Variants in SIK3 observed in about 807,000 individuals in gnomAD.
SIK3 encodes the protein SIK family kinase 3, also known as serine/threonine-protein kinase SIK3.
A neutral mutation model predicts 144.2 loss-of-function variants in SIK3; 28 were observed. The ratio of observed to expected loss-of-function variants is 0.19; its 90% CI spans 0.14 to 0.27. SIK3 has a LOEUF of 0.27. SIK3 is among the 10% of genes least tolerant of loss of function. The pLI is 1.00. For synonymous variants in SIK3, 686 were observed against 676.3 expected (o/e 1.01, Z -0.22); for missense variants, 1,319 against 1,776.0 (o/e 0.74, Z 4.62).
chr11:117,061,437 T>A (rs1395702619), intron 1 of SIK3, among the ~76,000 whole-genome samples: 1 of 152,168 alleles, frequency 6.6e-6, no homozygotes, highest in African/African-American at 2.4e-5. Context: ...AATGGTTGCG[T>A]CACTTTGGGT....
chr11:116,963,643 T>C (rs1305267110), intron 1 of SIK3, among the ~76,000 whole-genome samples: 9 of 152,172 alleles, frequency 5.9e-5, no homozygotes, highest in Non-Finnish European at 1.2e-4. Context: ...TGAATCAAAC[T>C]CTGAGAACAA....
In SIK3 at chr11:116,858,732, T is replaced by C. The variant is rs1190490325; in HGVS notation, c.2766-33A>G. ...CACAAAAGGGAGTACCAGACATCCA[T>C]GTAACAAGTACTAGACTTCCTGGGA... On this transcript the variant is annotated intron_variant, in intron 20 of 24. Transcript: ENST00000445177. The surrounding 1 kb of genome is among the most constrained non-coding windows in gnomAD (Gnocchi z 5.4). 3 of 1,519,692 alleles carry C rather than the reference T, an allele frequency of 2.0e-6. No homozygotes were observed. 94.1% of individuals were successfully genotyped at this position (1,519,692 alleles called of 1,614,324 possible). A position where few individuals can be genotyped will look rare whatever the true frequency, so the allele number is the denominator to read the frequency against.
intron 1 of SIK3, among the ~76,000 whole-genome samples, chr11:116,996,095 G>C (rs1354664951): frequency 6.6e-6 from 1 of 152,050 alleles, no homozygotes; most frequent in African/African-American, 2.4e-5. Flanking sequence ...ATCATTTTAG[G>C]CCAGGAGTTC....
rs1943739007 is a variant in SIK3 at position 116,867,946 on chromosome 11, C to T, written c.1952G>A (p.Arg651His). Residue 651 changes from arginine to histidine, a missense_variant and splice_region_variant, in exon 15 of 25, where the codon CGC becomes CAC. Physicochemically the swap from Arg to His is conservative, Grantham distance 29. This residue lies in a region of SIK3 where 47 missense variants were observed against 40.2 expected (regional missense o/e 1.17). Coordinates refer to ENST00000445177, the MANE Select transcript of SIK3 (RefSeq NM_001366686.3). The surrounding 1 kb of genome is among the most constrained non-coding windows in gnomAD (Gnocchi z 4.1). ...WPPHLVPDQH[R>H]STYKDSNTLH... is the part of the protein sequence containing the mutation. Reference sequence around the variant, plus strand: ...TCGCACAGCTCATGTGGCTACTCACCGATGCTGATCAGGTACCAGGTGAGG... The same window carrying T: ...TCGCACAGCTCATGTGGCTACTCACTGATGCTGATCAGGTACCAGGTGAGG... 7.2e-6 allele frequency: 11 copies of T among 1,537,272 alleles called. No homozygotes were observed. Among genetic ancestry groups the T allele is most frequent in the Non-Finnish European group, 9.7e-6 (11 of 1,139,618 alleles).
chr11:117,091,200 C>CTTTTTT (rs386375011), intron 1 of SIK3, among the ~76,000 whole-genome samples: 40 of 93,012 alleles, frequency 4.3e-4, no homozygotes, highest in East Asian at 9.4e-4. Flanking sequence ...TTTTTTTTTT[C>CTTTTTT]TTTTTTTTTT....
At chr11:117,042,954 CAAT>C (rs1175111916) in intron 1 of SIK3, among the ~76,000 whole-genome samples, 1 of 152,162 alleles carries the variant, frequency 6.6e-6, no homozygotes, top group Admixed American at 6.6e-5. Flanking sequence ...TATTGTGCAA[CAAT>C]GATATCTGTT....
At chr11:116,872,663 G>T (rs1240891849) in intron 13 of SIK3, among the ~76,000 whole-genome samples, 1 of 152,114 alleles carries the variant, frequency 6.6e-6, no homozygotes, top group Non-Finnish European at 1.5e-5. Flanking sequence ...GAGTAATTTT[G>T]TCTGTTGAAC....
chr11:116,993,219 T>TC (rs1029782386), intron 1 of SIK3, among the ~76,000 whole-genome samples: 1 of 152,006 alleles, frequency 6.6e-6, no homozygotes, highest in Non-Finnish European at 1.5e-5. Flanking sequence ...TAAAAACCCC[T>TC]CCCCACAGTA....
At chr11:117,064,581 T>A (rs1953928278) in intron 1 of SIK3, among the ~76,000 whole-genome samples, 1 of 152,218 alleles carries the variant, frequency 6.6e-6, no homozygotes, top group South Asian at 2.1e-4. Context: ...TAGCATATTA[T>A]CTTATCAGAC....
intron 3 of SIK3, among the ~76,000 whole-genome samples, chr11:116,944,351 T>C (rs1323900911): frequency 2.0e-5 from 3 of 152,132 alleles, no homozygotes; most frequent in Non-Finnish European, 4.4e-5. Context: ...CACACCCATA[T>C]AGTCTCAGGG....
chr11:116,967,300 G>A (rs1017816222), intron 1 of SIK3, among the ~76,000 whole-genome samples: 6 of 152,132 alleles, frequency 3.9e-5, no homozygotes, highest in Non-Finnish European at 7.3e-5. Flanking sequence ...AACCTAGAAC[G>A]CTCCAAGACT....
intron 1 of SIK3, among the ~76,000 whole-genome samples, chr11:117,051,313 C>A (rs1383705371): frequency 1.3e-5 from 2 of 152,108 alleles, no homozygotes; most frequent in Non-Finnish European, 2.9e-5. Flanking sequence ...CAGACTCCAA[C>A]TTAATTACAC....
chr11:117,070,375 CAGT>C (rs1396906875), intron 1 of SIK3, among the ~76,000 whole-genome samples: 3 of 152,094 alleles, frequency 2.0e-5, no homozygotes, highest in African/African-American at 7.2e-5. Context: ...CACTTGAGCC[CAGT>C]AATTCAAGGC....
intron 1 of SIK3, among the ~76,000 whole-genome samples, chr11:117,034,373 C>T (rs1162897418): frequency 6.6e-6 from 1 of 152,088 alleles, no homozygotes; most frequent in African/African-American, 2.4e-5. Flanking sequence ...ATACTTCAGG[C>T]AAGGACATGA....
chr11:117,016,451 A>G (rs567180879), intron 1 of SIK3, among the ~76,000 whole-genome samples: 210 of 90,836 alleles, frequency 2.3e-3, no homozygotes, highest in African/African-American at 7.4e-3. Flanking sequence ...AAGGAATCCC[A>G]TGACCTATCT....
intron 1 of SIK3, among the ~76,000 whole-genome samples, chr11:117,078,262 A>G (rs1954637106): frequency 6.6e-6 from 1 of 152,188 alleles, no homozygotes; most frequent in South Asian, 2.1e-4. Context: ...AGGCTACACT[A>G]AAGAATAAGA....
chr11:116,936,200 G>C (rs188056186), intron 3 of SIK3, among the ~76,000 whole-genome samples: 2 of 152,184 alleles, frequency 1.3e-5, no homozygotes, highest in African/African-American at 4.8e-5. Flanking sequence ...GCATTTTTGA[G>C]ACAGAGACTC....
intron 4 of SIK3, among the ~76,000 whole-genome samples, chr11:116,922,290 G>A (rs1022131124): frequency 2.6e-5 from 4 of 152,110 alleles, no homozygotes; most frequent in Admixed American, 6.5e-5. Flanking sequence ...ACTGGTTGAG[G>A]CCAAGAGTTT....
At chr11:117,057,053 T>C (rs1448734207) in intron 1 of SIK3, among the ~76,000 whole-genome samples, 1 of 152,256 alleles carries the variant, frequency 6.6e-6, no homozygotes, top group Non-Finnish European at 1.5e-5. Context: ...AGAGATCTCC[T>C]GTACCCTTTA....
Sources: gnomAD v4.1 joint callset for allele counts (sites outside exome capture counted in the v4.1 genomes callset) on GRCh38, gnomAD v4.1.1 for gene constraint, gnomAD v4.1.1 regional missense constraint, Gnocchi (gnomAD v3.1) non-coding constraint, MANE v1.5 for transcripts, NCBI Gene and HGNC (gene_info 2026-07-23, HGNC 2026-07-21) for gene names.